The following PTPRN2 variants were observed in gnomAD, a reference collection of about 807,000 sequenced individuals.
PTPRN2 encodes the protein receptor-type tyrosine-protein phosphatase N2.
In PTPRN2, 74 loss-of-function variants were observed where a neutral mutation model predicts 118.8. The ratio of observed to expected loss-of-function variants is 0.62; its 90% confidence interval spans 0.52 to 0.76. The LOEUF (loss-of-function observed/expected upper bound fraction) is 0.76. PTPRN2 is among the 30% of genes least tolerant of loss of function. The pLI, the probability that PTPRN2 is intolerant of heterozygous loss-of-function variation, is 0.00. For missense variants in PTPRN2, 1,481 were observed against 1,394.4 expected (o/e 1.06, Z -0.99); for synonymous variants, 641 against 608.0 (o/e 1.05, Z -0.80).
chr7:158,515,489 G>A (rs1473938568), intron 1 of PTPRN2, among the ~76,000 whole-genome samples: 1 of 152,072 alleles, frequency 6.6e-6, no homozygotes, highest in Non-Finnish European at 1.5e-5. Context: ...GCCCAGCCGT[G>A]CGAATGTAAT....
intron 2 of PTPRN2, among the ~76,000 whole-genome samples, chr7:158,334,097 T>G (rs1307514001): frequency 1.2e-5 from 1 of 83,234 alleles, no homozygotes; most frequent in African/African-American, 4.3e-5. Flanking sequence ...CCATAAGAGG[T>G]GACACCTGCA....
At chr7:157,569,062 G>A (rs896342720) in intron 20 of PTPRN2, 96 bp from the exon 21 acceptor site, 18 of 1,208,176 alleles carry the variant, frequency 1.5e-5, no homozygotes, top group Middle Eastern at 3.8e-4. Context: ...CCTGCTTACG[G>A]GGGCCGGCGA....
intron 2 of PTPRN2, among the ~76,000 whole-genome samples, chr7:158,458,643 G>A (rs991754693): frequency 1.8e-4 from 28 of 152,234 alleles, no homozygotes; most frequent in African/African-American, 5.5e-4. Flanking sequence ...AACCATGATC[G>A]TCCCCACTGC....
chr7:158,138,841 G>A (rs545339854), intron 6 of PTPRN2, among the ~76,000 whole-genome samples: 1 of 152,316 alleles, frequency 6.6e-6, no homozygotes, highest in Admixed American at 6.5e-5. Context: ...AGATGGGCTA[G>A]GCAACTTCAC....
chr7:158,463,200 T>G (rs181348118), intron 2 of PTPRN2, among the ~76,000 whole-genome samples: 1 of 152,180 alleles, frequency 6.6e-6, no homozygotes, highest in African/African-American at 2.4e-5. Flanking sequence ...CCCCTCAATA[T>G]GCAAGTACAG....
chr7:158,183,122 G>A (rs563305225), intron 5 of PTPRN2, among the ~76,000 whole-genome samples: 101 of 152,120 alleles, frequency 6.6e-4, no homozygotes, highest in Admixed American at 1.6e-3. Flanking sequence ...CTCACTTTTG[G>A]TTTCCATTTG....
At chr7:158,304,694 T>C (rs6459856) in intron 3 of PTPRN2, among the ~76,000 whole-genome samples, 98,750 of 152,122 alleles carry the variant, frequency 0.65, 32,365 homozygotes, top group Non-Finnish European at 0.69. Flanking sequence ...TGAGTTTATC[T>C]AAGGACTGGG....
At chr7:157,713,269 G>A (rs570202714) in intron 12 of PTPRN2, among the ~76,000 whole-genome samples, 9 of 152,236 alleles carry the variant, frequency 5.9e-5, no homozygotes, top group Admixed American at 2.6e-4. Context: ...ACCCAATGAC[G>A]CATCTTTAAT....
At chr7:158,538,966 G>A (rs1474892870) in intron 1 of PTPRN2, among the ~76,000 whole-genome samples, 1 of 152,138 alleles carries the variant, frequency 6.6e-6, no homozygotes, top group East Asian at 1.9e-4. Flanking sequence ...GAGGCAGCAC[G>A]AACCCCCCAG....
chr7:157,866,302 G>A (rs574582364), intron 12 of PTPRN2, among the ~76,000 whole-genome samples: 101 of 152,122 alleles, frequency 6.6e-4, no homozygotes, highest in African/African-American at 1.6e-3. Flanking sequence ...ACAAACACAC[G>A]TGCATATCCA....
intron 10 of PTPRN2, among the ~76,000 whole-genome samples, chr7:158,085,399 ACGCC>A (rs1489996161): frequency 9.4e-5 from 4 of 42,608 alleles, no homozygotes; most frequent in East Asian, 9.7e-4. Flanking sequence ...CACACCCACG[ACGCC>A]CATCCACACC....
At chr7:158,148,436 A>G (rs867711243) in intron 6 of PTPRN2, among the ~76,000 whole-genome samples, 1 of 81,730 alleles carries the variant, frequency 1.2e-5, no homozygotes, top group African/African-American at 4.1e-5. Flanking sequence ...TTCCCCTTCA[A>G]TGACACCCCA....
chr7:157,542,206 C>A (rs887764721), intron 22 of PTPRN2, among the ~76,000 whole-genome samples: 1 of 152,334 alleles, frequency 6.6e-6, no homozygotes, highest in Admixed American at 6.5e-5. Flanking sequence ...GCCCCTCCCA[C>A]ACCAAGTGTG....
Position 158,181,693 on chromosome 7 carries a change from CG to C in PTPRN2, c.549+10633del, listed in dbSNP as rs372122453. On this transcript the variant is annotated intron_variant, in intron 5 of 22. Transcript: ENST00000389418. Reference sequence around the variant, plus strand: ...GGTTGTATGCTTGCAGGAATATATTCGTGTATTCATTTCTTCTAGATTTTCT... The same window carrying C: ...GGTTGTATGCTTGCAGGAATATATTCTGTATTCATTTCTTCTAGATTTTCT... 5.5e-3 allele frequency among the ~76,000 whole-genome samples: 843 copies of C among 152,060 alleles called. 7 individuals are homozygous for C. The highest frequency in any genetic ancestry group is 0.019 in the African/African-American group (794 of 41,492).
At chr7:158,005,811 C>T (rs1805597037) in intron 11 of PTPRN2, among the ~76,000 whole-genome samples, 1 of 152,198 alleles carries the variant, frequency 6.6e-6, no homozygotes, top group Non-Finnish European at 1.5e-5. Flanking sequence ...ACACATCTTA[C>T]GTGGATGCTG....
chr7:158,469,874 T>C (rs1819720270), intron 2 of PTPRN2, among the ~76,000 whole-genome samples: 2 of 151,166 alleles, frequency 1.3e-5, no homozygotes, highest in South Asian at 4.2e-4. Flanking sequence ...TTTGTCCTAG[T>C]GCATCATAAA....
chr7:157,758,694 T>C (rs962645970), intron 12 of PTPRN2, among the ~76,000 whole-genome samples: 1 of 142,382 alleles, frequency 7.0e-6, no homozygotes, highest in East Asian at 2.5e-4. Context: ...AGGTCCCTCC[T>C]GACCCCCGCC....
At chr7:158,450,451 G>T (rs560696596) in intron 2 of PTPRN2, among the ~76,000 whole-genome samples, 1 of 152,146 alleles carries the variant, frequency 6.6e-6, no homozygotes, top group Non-Finnish European at 1.5e-5. Context: ...GCACAAAAAC[G>T]CATCGTATAG....
intron 5 of PTPRN2, among the ~76,000 whole-genome samples, chr7:158,169,714 A>G (rs533374785): frequency 1.3e-5 from 2 of 151,768 alleles, no homozygotes; most frequent in South Asian, 4.2e-4. Context: ...TTCTTTTGAG[A>G]CGGAGTCTCT....
Sources: gnomAD v4.1 joint callset for allele counts (sites outside exome capture counted in the v4.1 genomes callset) on GRCh38, gnomAD v4.1.1 for gene constraint, MANE v1.5 for transcripts, NCBI Gene and HGNC (gene_info 2026-07-23, HGNC 2026-07-21) for gene names.